The following OAS2 variants were observed in gnomAD, a reference collection of about 807,000 sequenced individuals.
OAS2 encodes 2'-5'-oligoadenylate synthetase 2.
OAS2 carries 67 observed loss-of-function variants against 71.3 expected under a neutral mutation model. The observed-to-expected ratio is 0.94, with a 90% CI of 0.77 to 1.15. OAS2 has a LOEUF of 1.15. OAS2 is among the 50% of genes most tolerant of loss of function. OAS2 has a pLI of 0.00. For synonymous variants in OAS2, 327 were observed against 321.8 expected, an observed-to-expected ratio of 1.02 and a Z score of -0.17; for missense variants, 789 against 822.5, an observed-to-expected ratio of 0.96 and a Z score of 0.50.
chr12:112,999,819 C>A (rs1329115852), intron 5 of OAS2, among the ~76,000 whole-genome samples: 3 of 152,206 alleles, frequency 2.0e-5, no homozygotes, highest in Non-Finnish European at 4.4e-5. Context: ...CTCCTATGAT[C>A]CCCTCACATA....
chr12:113,000,577 ACG>A (rs1157084313), intron 5 of OAS2, among the ~76,000 whole-genome samples: 2 of 151,160 alleles, frequency 1.3e-5, no homozygotes, highest in African/African-American at 2.4e-5. Context: ...ACACGCACAC[ACG>A]CACACACATA....
Position 112,987,039 on chromosome 12 carries a change from G to A in OAS2, c.179G>A (p.Gly60Asp). ...QFPLVQGVAI[G>D]GSYGRKTVLR... is the part of the protein sequence containing the mutation. ...TATCTGCTTCTTTGTCACTGGCAGG[G>A]TGGCTCCTATGGACGGAAAACAGTC... The change falls in exon 2 of 10, where the codon GGT becomes GAT. Residue 60 changes from glycine to aspartate, a missense_variant and splice_region_variant. Transcript: ENST00000392583. 6.2e-7 allele frequency: 1 copy of A among 1,604,424 alleles called. No individual in the cohort carries two copies. Among genetic ancestry groups the A allele is most frequent in the Admixed American group, 1.7e-5 (1 of 59,494 alleles).
chr12:112,991,014 C>T (rs987302276), intron 2 of OAS2, among the ~76,000 whole-genome samples: 1 of 152,148 alleles, frequency 6.6e-6, no homozygotes, highest in Non-Finnish European at 1.5e-5. Flanking sequence ...CTCAGCAGGA[C>T]AGGACTTTGA....
chr12:112,988,347 G>A, intron 2 of OAS2: 1 of 470,620 alleles, frequency 2.1e-6, no homozygotes, highest in South Asian at 9.2e-5. Flanking sequence ...ACAGCCACGT[G>A]GTGGAAGAAG....
In OAS2 at chr12:113,003,113, G is replaced by A. The variant is rs1056936200; in HGVS notation, c.1179+11G>A. 4 of 1,613,646 alleles carry A rather than the reference G, an allele frequency of 2.5e-6. No individual in the cohort carries two copies. In the African/African-American group the frequency reaches 4.0e-5, roughly 16 times the overall value. On this transcript the variant is annotated intron_variant, in intron 6 of 9. Coordinates refer to ENST00000392583, the MANE Select transcript of OAS2 (RefSeq NM_002535.3). ...ATCCAGATTGTCCGGGTGAGCACTG[G>A]CCTTTCTCATGTCTTGTTGGAATGA...
intron 1 of OAS2, among the ~76,000 whole-genome samples, chr12:112,983,163 T>C (rs1307354646): frequency 6.6e-6 from 1 of 152,190 alleles, no homozygotes; most frequent in Non-Finnish European, 1.5e-5. Context: ...CTATTATGTT[T>C]AGTTCTGTTC....
chr12:112,981,645 A>G (rs950627099), intron 1 of OAS2, among the ~76,000 whole-genome samples: 1 of 152,124 alleles, frequency 6.6e-6, no homozygotes, highest in Non-Finnish European at 1.5e-5. Flanking sequence ...GTCACGTAGC[A>G]TGATGCCTCT....
In OAS2 at chr12:113,006,472, T is replaced by C. The variant is rs1166239022; in HGVS notation, c.1528T>C (p.Tyr510His). Residue 510 changes from tyrosine (Y) to histidine (H), a missense_variant, in exon 8 of 10, where the codon TAT (tyrosine) becomes CAT (histidine). Transcript: ENST00000392583. Reference protein sequence around the residue: ...PEVYAGLIDLYKSSDLPGGEF... With the variant: ...PEVYAGLIDLHKSSDLPGGEF... ...GGTTTATGCAGGGCTCATTGATCTG[T>C]ATAAATCCTCGGACCTCCCGGGAGG... The C allele has an allele frequency of 1.2e-6, 2 of 1,613,202 alleles. No individual in the cohort carries two copies. The highest frequency in any genetic ancestry group is 1.7e-6 in the Non-Finnish European group (2 of 1,179,350).
chr12:112,998,713 C>G (rs955405659), intron 5 of OAS2, among the ~76,000 whole-genome samples: 1 of 152,182 alleles, frequency 6.6e-6, no homozygotes, highest in African/African-American at 2.4e-5. Flanking sequence ...TCACTCCAGC[C>G]TCTGTCCCTG....
At chr12:112,993,554 C>A (rs1432746247) in intron 2 of OAS2, among the ~76,000 whole-genome samples, 3 of 152,220 alleles carry the variant, frequency 2.0e-5, no homozygotes, top group Non-Finnish European at 4.4e-5. Context: ...ATGAAAGGAA[C>A]AAGCTAGCTG....
intron 9 of OAS2, 31 bp from the exon 10 acceptor site, chr12:113,009,056 A>T (rs759741294): frequency 1.2e-5 from 19 of 1,591,224 alleles, no homozygotes; most frequent in Middle Eastern, 4.3e-4. Flanking sequence ...GGGATTTGGA[A>T]TCTCCTAATG....
chr12:113,010,633 C>A lies in OAS2; in HGVS notation c.*1378C>A. On this transcript the variant is annotated 3_prime_UTR_variant, in exon 10 of 10. Transcript: ENST00000392583. ...AAGACTGCAAACCCTTTCATAAAGT[C>A]TTGCCTTGCTGAACTCCCTCTCTGC... 8.1e-7 allele frequency: 1 copy of A among 1,233,148 alleles called. No individual in the cohort carries two copies. Among genetic ancestry groups the A allele is most frequent in the Non-Finnish European group, 1.1e-6 (1 of 947,704 alleles). 76.4% of individuals were successfully genotyped at this position (1,233,148 alleles called of 1,614,324 possible). A position where few individuals can be genotyped will look rare whatever the true frequency, so the allele number is the denominator to read the frequency against.
At position 112,987,071 on chromosome 12, in the gene OAS2, G is replaced by C; in HGVS notation, c.211G>C (p.Gly71Arg). 1.2e-6 allele frequency: 2 copies of C among 1,613,874 alleles called. No homozygotes were observed. Among genetic ancestry groups the C allele is most frequent in the Non-Finnish European group, 1.7e-6 (2 of 1,179,822 alleles). ...CTATGGACGGAAAACAGTCTTAAGA[G>C]GCAACTCCGATGGTACCCTTGTCCT... Reference protein sequence around the residue: ...GSYGRKTVLRGNSDGTLVLFF... With the variant: ...GSYGRKTVLRRNSDGTLVLFF... The change falls in exon 2 of 10, where the codon GGC becomes CGC. Residue 71 changes from glycine (G) to arginine (R), a missense_variant. Transcript: ENST00000392583.
chr12:112,978,644 T>C lies in OAS2; in HGVS notation c.36T>C (p.Pro12=), dbSNP rs1164641045. 6.2e-7 allele frequency: 1 copy of C among 1,614,172 alleles called. No homozygotes were observed. The stretch of plus-strand genomic sequence containing the variant: ...GGGAGTCCCAGCTGTCCTCGGTGCC[T>C]GCTCAGAAGCTGGGTTGGTTTATCC... ...GNGESQLSSV[P]AQKLGWFIQE... The change falls in exon 1 of 10, where the codon CCT becomes CCC. Residue 12 remains proline (P), a synonymous_variant. Transcript: ENST00000392583. The surrounding 1 kb of genome is among the most constrained non-coding windows in gnomAD (Gnocchi z 4.2).
At chr12:112,999,477 C>CTA (rs2044264566) in intron 5 of OAS2, among the ~76,000 whole-genome samples, 1 of 152,216 alleles carries the variant, frequency 6.6e-6, no homozygotes, top group South Asian at 2.1e-4. Flanking sequence ...GAGGCGGAAT[C>CTA]TATACCCCGT....
At chr12:112,998,193 C>T (rs781120792) in intron 4 of OAS2, 73 bp from the exon 5 acceptor site, 3 of 1,546,830 alleles carry the variant, frequency 1.9e-6, no homozygotes, top group South Asian at 1.2e-5. Context: ...CACTCCAGGC[C>T]TCTTTCCCCA....
chr12:113,009,879 C>G lies in OAS2; in HGVS notation c.*624C>G. 1.0e-6 allele frequency: 1 copy of G among 986,948 alleles called. No individual in the cohort carries two copies. 61.1% of individuals were successfully genotyped at this position (986,948 alleles called of 1,614,324 possible). A position where few individuals can be genotyped will look rare whatever the true frequency, so the allele number is the denominator to read the frequency against. ...GCCCTCCCTACCTACCAAGATATAC[C>G]TGATATATTCCACCAGGATATCCTC... On this transcript the variant is annotated 3_prime_UTR_variant, in exon 10 of 10. Coordinates refer to ENST00000392583, the MANE Select transcript of OAS2 (RefSeq NM_002535.3).
Position 112,987,314 on chromosome 12 carries a change from C to G in OAS2, c.448+6C>G. 8.7e-6 allele frequency: 14 copies of G among 1,614,056 alleles called. No individual in the cohort carries two copies. The highest frequency in any genetic ancestry group is 1.2e-5 in the Non-Finnish European group (14 of 1,179,958). Reference sequence around the variant, plus strand: ...GGCCGCCTTCAACGCTCTGAGTAAGCATTGCTGGGTGTCAGGAGAGAAAAG... The same window carrying G: ...GGCCGCCTTCAACGCTCTGAGTAAGGATTGCTGGGTGTCAGGAGAGAAAAG... On this transcript the variant is annotated splice_donor_region_variant and intron_variant, in intron 2 of 9. Coordinates refer to ENST00000392583, the MANE Select transcript of OAS2 (RefSeq NM_002535.3).
chr12:113,010,365 T>C lies in OAS2; in HGVS notation c.*1110T>C. ...GACATTGCTCTCCCACGTATGTTTT[T>C]CTTTTTAGACAATGCAGACACCAGG... On this transcript the variant is annotated 3_prime_UTR_variant, in exon 10 of 10. Coordinates refer to ENST00000392583, the MANE Select transcript of OAS2 (RefSeq NM_002535.3). The C allele has an allele frequency of 6.2e-7, 1 of 1,609,858 alleles. No homozygotes were observed. The highest frequency in any genetic ancestry group is 8.5e-7 in the Non-Finnish European group (1 of 1,178,734).
Sources: allele counts gnomAD v4.1 joint callset (sites outside exome capture counted in the v4.1 genomes callset), GRCh38; gene constraint gnomAD v4.1.1; non-coding constraint Gnocchi (gnomAD v3.1); transcripts MANE v1.5; gene names NCBI Gene and HGNC (gene_info 2026-07-23, HGNC 2026-07-21).